Variants in ASAP1 observed in about 807,000 individuals in gnomAD.
ASAP1 encodes ArfGAP with SH3 domain, ankyrin repeat and PH domain 1, also known as arf-GAP with SH3 domain, ANK repeat and PH domain-containing protein 1.
Under a neutral mutation model 145.2 loss-of-function variants are expected in ASAP1, and 43 were observed. The ratio of observed to expected loss-of-function variants is 0.30; its 90% CI spans 0.23 to 0.38. The LOEUF is 0.38. Ranked by LOEUF, ASAP1 falls within the 10% of genes least tolerant of loss-of-function variation. ASAP1 has a pLI of 1.00. For missense variants in ASAP1, 1,018 were observed against 1,355.3 expected, an observed-to-expected ratio of 0.75 and a Z score of 3.91; for synonymous variants, 546 against 515.5, an observed-to-expected ratio of 1.06 and a Z score of -0.80.
chr8:130,269,013 A>G (rs1279821384), intron 3 of ASAP1, among the ~76,000 whole-genome samples: 1 of 152,214 alleles, frequency 6.6e-6, no homozygotes, highest in Admixed American at 6.5e-5. Flanking sequence ...CAAAAAAAGT[A>G]CTGTGGCTTG....
intron 18 of ASAP1, among the ~76,000 whole-genome samples, chr8:130,119,088 ATAAC>A (rs35321979): frequency 0.032 from 4,845 of 152,304 alleles, 85 homozygotes; most frequent in Middle Eastern, 0.071. Flanking sequence ...GTCGTCTGAT[ATAAC>A]TCTCTATTTT....
In ASAP1 at chr8:130,187,243, T is replaced by A. The variant is rs1298527632; in HGVS notation, c.523A>T (p.Thr175Ser). Residue 175 changes from threonine to serine, a missense_variant, in exon 7 of 30, where the codon ACA becomes TCA. Physicochemically the swap from Thr to Ser is moderately conservative, Grantham distance 58. Coordinates refer to ENST00000518721, the MANE Select transcript of ASAP1 (RefSeq NM_018482.4). ...PFDKAWKDYE[T>S]KFTKIEKEKR... ...AAACAAAAAACCACTTACAACTTTG[T>A]CTCATAATCTTTCCAGGCTTTGTCA... 1.2e-5 allele frequency: 20 copies of A among 1,608,264 alleles called. No individual in the cohort carries two copies. In the Admixed American group the frequency reaches 3.4e-4, roughly 27 times the overall value.
intron 23 of ASAP1, among the ~76,000 whole-genome samples, chr8:130,115,414 C>G (rs1157269012): frequency 2.0e-5 from 3 of 152,218 alleles, no homozygotes; most frequent in Non-Finnish European, 4.4e-5. Context: ...AAAAATTTCT[C>G]TGTCTCTCTC....
At chr8:130,151,026 T>C (rs891471056) in intron 13 of ASAP1, among the ~76,000 whole-genome samples, 8 of 152,192 alleles carry the variant, frequency 5.3e-5, no homozygotes, top group Non-Finnish European at 1.0e-4. Context: ...TTTTCATTCA[T>C]GCATCTTTGA....
intron 2 of ASAP1, among the ~76,000 whole-genome samples, chr8:130,383,879 G>A (rs1017750505): frequency 7.2e-5 from 11 of 152,136 alleles, no homozygotes; most frequent in African/African-American, 2.4e-4. Context: ...CTCCCACAGA[G>A]GTGAAAGGAC....
At chr8:130,145,546 T>C (rs1162250234) in intron 13 of ASAP1, among the ~76,000 whole-genome samples, 2 of 152,204 alleles carry the variant, frequency 1.3e-5, no homozygotes, top group Admixed American at 6.5e-5. Flanking sequence ...CTTGAACTCA[T>C]GACCTCATGA....
chr8:130,418,079 G>A (rs1829562478), intron 1 of ASAP1, among the ~76,000 whole-genome samples: 1 of 152,230 alleles, frequency 6.6e-6, no homozygotes. Context: ...CACAAGGACA[G>A]AAGAGAGAGG....
chr8:130,371,410 G>A (rs1827208003), intron 2 of ASAP1, among the ~76,000 whole-genome samples: 1 of 152,226 alleles, frequency 6.6e-6, no homozygotes, highest in South Asian at 2.1e-4. Context: ...TTATGTACCT[G>A]CTATGTAGTC....
chr8:130,256,738 CTTATATATATATATAT>C lies in ASAP1; in HGVS notation c.187-19760_187-19745del, dbSNP rs1438669655. Among the ~76,000 whole-genome samples, 105 of 70,822 alleles carry C rather than the reference CTTATATATATATATAT, an allele frequency of 1.5e-3. 4 individuals carry two copies. In the East Asian group the frequency reaches 0.019, roughly 13 times the overall value. The allele number at this position is 70,822 out of a possible 152,430, so 46.5% of individuals were successfully genotyped here. A position where few individuals can be genotyped will look rare whatever the true frequency, so the allele number is the denominator to read the frequency against. ...AATCTTCTTCCTGAATATACACATT[CTTATATATATATATAT>C]ATATATATATATATATATATATATA... On this transcript the variant is annotated intron_variant, in intron 3 of 29. Coordinates refer to ENST00000518721, the MANE Select transcript of ASAP1 (RefSeq NM_018482.4).
chr8:130,259,405 C>T (rs187451976), intron 3 of ASAP1, among the ~76,000 whole-genome samples: 6 of 152,268 alleles, frequency 3.9e-5, no homozygotes, highest in African/African-American at 1.4e-4. Context: ...GCTTAAAATT[C>T]ACTTTAAACC....
At chr8:130,109,599 A>G (rs548764044) in intron 24 of ASAP1, among the ~76,000 whole-genome samples, 3 of 152,278 alleles carry the variant, frequency 2.0e-5, no homozygotes, top group South Asian at 4.1e-4. Context: ...GAGAGATCCA[A>G]GGCATCCTTG....
chr8:130,387,294 G>C (rs1828063216), intron 2 of ASAP1, among the ~76,000 whole-genome samples: 2 of 152,174 alleles, frequency 1.3e-5, no homozygotes, highest in African/African-American at 4.8e-5. Context: ...CCGGCATTTG[G>C]GGAGGCCGAG....
At chr8:130,108,342 A>G (rs959161481) in intron 24 of ASAP1, among the ~76,000 whole-genome samples, 3 of 152,222 alleles carry the variant, frequency 2.0e-5, no homozygotes, top group Admixed American at 1.3e-4. Flanking sequence ...TGTAATTAGC[A>G]TATCAGGTGT....
chr8:130,058,735 CCTGG>C (rs2097410247), intron 28 of ASAP1, among the ~76,000 whole-genome samples: 1 of 152,070 alleles, frequency 6.6e-6, no homozygotes, highest in African/African-American at 2.4e-5. Flanking sequence ...TTGTTTTGCA[CCTGG>C]CTAATTGGCA....
In ASAP1 at chr8:130,256,739, TTATATATATATATATATATATATATA is replaced by T. The variant is rs58245112; in HGVS notation, c.187-19771_187-19746del. On this transcript the variant is annotated intron_variant, in intron 3 of 29. Transcript: ENST00000518721. ...ATCTTCTTCCTGAATATACACATTC[TTATATATATATATATATATATATATA>T]TATATATATATATATATCCTTATAT... 2.7e-4 allele frequency among the ~76,000 whole-genome samples: 26 copies of T among 95,894 alleles called. No individual in the cohort carries two copies. The South Asian group carries it at 3.0e-3, about 11-fold the overall frequency. 62.9% of individuals were successfully genotyped at this position (95,894 alleles called of 152,430 possible).
At chr8:130,286,451 A>C (rs1318160829) in intron 3 of ASAP1, among the ~76,000 whole-genome samples, 1 of 152,238 alleles carries the variant, frequency 6.6e-6, no homozygotes, top group African/African-American at 2.4e-5. Flanking sequence ...CGGGAGTCAC[A>C]GCAGCTAGAG....
At chr8:130,156,577 G>A (rs1217095548) in intron 12 of ASAP1, among the ~76,000 whole-genome samples, 1 of 152,218 alleles carries the variant, frequency 6.6e-6, no homozygotes, top group East Asian at 1.9e-4. Context: ...AAGAAGTCAA[G>A]GGGGTGAATT....
chr8:130,189,853 C>T (rs935574555), intron 5 of ASAP1, among the ~76,000 whole-genome samples: 7 of 152,106 alleles, frequency 4.6e-5, no homozygotes, highest in African/African-American at 1.4e-4. Flanking sequence ...TTTTAGCTGG[C>T]TTGAGATGAT....
intron 26 of ASAP1, among the ~76,000 whole-genome samples, chr8:130,077,366 T>C (rs988762033): frequency 2.6e-5 from 4 of 152,090 alleles, no homozygotes; most frequent in Admixed American, 2.0e-4. Flanking sequence ...GAAGCCACTA[T>C]TTTTCTTTAA....
Sources: allele counts gnomAD v4.1 joint callset (sites outside exome capture counted in the v4.1 genomes callset), GRCh38; gene constraint gnomAD v4.1.1; transcripts MANE v1.5; gene names NCBI Gene and HGNC (gene_info 2026-07-23, HGNC 2026-07-21).